The following CD96 variants were observed in gnomAD, a reference collection of about 807,000 sequenced individuals.
The protein encoded by CD96 is CD96 molecule, also known as T-cell surface protein tactile.
In CD96, 70 loss-of-function variants were observed where a neutral mutation model predicts 71.3. The observed-to-expected ratio is 0.98, with a 90% CI of 0.81 to 1.20. The LOEUF is 1.20. CD96 is among the 50% of genes most tolerant of loss of function. The probability of loss-of-function intolerance (pLI) is 0.00; values close to 1 mark genes in which losing one functional copy is unlikely to be tolerated. For missense variants in CD96, 742 were observed against 677.5 expected, an observed-to-expected ratio of 1.10 and a Z score of -1.06; for synonymous variants, 248 against 233.0, an observed-to-expected ratio of 1.06 and a Z score of -0.59.
At chr3:111,626,113 C>A (rs918153584) in intron 10 of CD96, among the ~76,000 whole-genome samples, 1 of 151,886 alleles carries the variant, frequency 6.6e-6, no homozygotes, top group Non-Finnish European at 1.5e-5. Flanking sequence ...ACCATCCTGG[C>A]TAACAGTGAA....
Position 111,643,735 on chromosome 3 carries a change from CAA to C in CD96, c.1478-3792_1478-3791del, listed in dbSNP as rs56078551. Among the ~76,000 whole-genome samples the C allele has an allele frequency of 4.1e-3, 532 of 128,218 alleles. 1 individual carries two copies. Among genetic ancestry groups the C allele is most frequent in the East Asian group, 0.014 (65 of 4,520 alleles). 84.1% of individuals were successfully genotyped at this position (128,218 alleles called of 152,430 possible). ...AACTCAACCCCTTTTACAATAGCTGCAAAAAAAAAAAAAAAAATGAAATACTT... is the reference window on the plus strand; with the variant it reads ...AACTCAACCCCTTTTACAATAGCTGCAAAAAAAAAAAAAAATGAAATACTT... On this transcript the variant is annotated intron_variant, in intron 12 of 13. Transcript: ENST00000352690.
chr3:111,549,371 G>T (rs1156852016), intron 2 of CD96, among the ~76,000 whole-genome samples: 1 of 152,290 alleles, frequency 6.6e-6, no homozygotes, highest in Admixed American at 6.5e-5. Context: ...TGACGATAAG[G>T]TTAGAAAGAT....
chr3:111,572,695 A>C (rs1215249203), intron 3 of CD96, among the ~76,000 whole-genome samples: 1 of 152,230 alleles, frequency 6.6e-6, no homozygotes, highest in Non-Finnish European at 1.5e-5. Flanking sequence ...GAAACCCTGG[A>C]AACAATTTAC....
chr3:111,643,291 A>G (rs1043082402), intron 12 of CD96, among the ~76,000 whole-genome samples: 3 of 152,144 alleles, frequency 2.0e-5, no homozygotes, highest in Admixed American at 2.0e-4. Context: ...TCCCTTTATG[A>G]TTAAAACTCA....
intron 5 of CD96, chr3:111,594,327 C>A: frequency 8.3e-7 from 1 of 1,203,460 alleles, no homozygotes; most frequent in Non-Finnish European, 1.2e-6. Context: ...CAATAATGGC[C>A]AAAGTCTGGC....
At chr3:111,544,220 C>G (rs989605079) in intron 1 of CD96, among the ~76,000 whole-genome samples, 1 of 152,126 alleles carries the variant, frequency 6.6e-6, no homozygotes, top group African/African-American at 2.4e-5. Flanking sequence ...TTTCGGCTCA[C>G]TGTAATCTCC....
chr3:111,577,464 C>G (rs755893646), intron 3 of CD96: 1 of 1,453,604 alleles, frequency 6.9e-7, no homozygotes. Context: ...CTCTGTAATA[C>G]AGTCTTTCTC....
Position 111,637,206 on chromosome 3 carries a change from G to C in CD96, c.1332G>C (p.Arg444=). Residue 444 remains arginine, a synonymous_variant, in exon 11 of 14, where the codon CGG becomes CGC. Transcript: ENST00000352690. ...ATCTTCTTCCTTTAGCAGTTTCACG[G>C]ATACCTAGTGAAACATACAGTTCAT... ...SGTDTKKSVS[R]IPSETYSSSP... The C allele has an allele frequency of 6.4e-7, 1 of 1,568,300 alleles. No individual in the cohort carries two copies. The highest frequency in any genetic ancestry group is 8.8e-7 in the Non-Finnish European group (1 of 1,138,186).
At chr3:111,620,565 A>C (rs954597716) in intron 8 of CD96, among the ~76,000 whole-genome samples, 6 of 152,176 alleles carry the variant, frequency 3.9e-5, no homozygotes, top group African/African-American at 1.4e-4. Context: ...TATCCCAATA[A>C]CCTGTCAAGT....
In CD96 at chr3:111,649,690, G is replaced by C. The variant is rs1939991288; in HGVS notation, c.1602-8G>C. ...CTTAGCATTGAAAGACCAATATTTTGTTCCTAGAATGGAAAGACCTCCACC... is the reference window on the plus strand; with the variant it reads ...CTTAGCATTGAAAGACCAATATTTTCTTCCTAGAATGGAAAGACCTCCACC... On this transcript the variant is annotated splice_region_variant and splice_polypyrimidine_tract_variant and intron_variant, in intron 13 of 13. Coordinates refer to ENST00000352690, the MANE Select transcript of CD96 (RefSeq NM_005816.5). 1 of 1,568,726 alleles carries C rather than the reference G, an allele frequency of 6.4e-7. No individual in the cohort carries two copies. Among genetic ancestry groups the C allele is most frequent in the Non-Finnish European group, 8.8e-7 (1 of 1,138,870 alleles).
At chr3:111,606,063 T>C (rs1333539121) in intron 7 of CD96, among the ~76,000 whole-genome samples, 1 of 152,096 alleles carries the variant, frequency 6.6e-6, no homozygotes, top group Non-Finnish European at 1.5e-5. Context: ...TTGACATAAA[T>C]GTAAAATATA....
At chr3:111,564,993 G>A (rs1274406379) in intron 2 of CD96, among the ~76,000 whole-genome samples, 1 of 151,976 alleles carries the variant, frequency 6.6e-6, no homozygotes, top group Admixed American at 6.6e-5. Context: ...TCTCCCCATG[G>A]CATGTGTCCT....
chr3:111,575,488 T>C (rs1027857399), intron 3 of CD96, among the ~76,000 whole-genome samples: 3 of 152,240 alleles, frequency 2.0e-5, no homozygotes, highest in Admixed American at 2.0e-4. Flanking sequence ...AATCAACTTG[T>C]TGTTCATGGC....
At chr3:111,655,650 T>C (rs937394157), downstream of CD96, among the ~76,000 whole-genome samples, 1 of 152,062 alleles carries the variant, frequency 6.6e-6, no homozygotes, top group Non-Finnish European at 1.5e-5. Context: ...CATCTGATGA[T>C]AGAAAATTGC....
At chr3:111,621,837 C>A (rs1938532592) in intron 8 of CD96, among the ~76,000 whole-genome samples, 1 of 152,146 alleles carries the variant, frequency 6.6e-6, no homozygotes, top group East Asian at 1.9e-4. Context: ...ATCCTCAGTA[C>A]TATATAAGAG....
At chr3:111,612,123 G>A (rs1576388956) in intron 8 of CD96, among the ~76,000 whole-genome samples, 1 of 152,328 alleles carries the variant, frequency 6.6e-6, no homozygotes, top group East Asian at 1.9e-4. Context: ...TTTTTTGTAT[G>A]TGGGAAAATG....
At chr3:111,630,638 A>G (rs543411609) in intron 10 of CD96, among the ~76,000 whole-genome samples, 1 of 152,290 alleles carries the variant, frequency 6.6e-6, no homozygotes, top group South Asian at 2.1e-4. Context: ...AAAGAAGGAA[A>G]TGCTTCCTAA....
chr3:111,579,311 T>A, intron 4 of CD96, 77 bp downstream of exon 4: 1 of 842,886 alleles, frequency 1.2e-6, no homozygotes, highest in Non-Finnish European at 2.1e-6. Context: ...GGAAGCACCC[T>A]ATTATGCTGC....
intron 8 of CD96, among the ~76,000 whole-genome samples, chr3:111,618,228 G>C (rs1298441676): frequency 6.6e-6 from 1 of 152,172 alleles, no homozygotes; most frequent in East Asian, 1.9e-4. Context: ...AAACCAAGTG[G>C]GTGGAATGAG....
Sources: allele counts gnomAD v4.1 joint callset (sites outside exome capture counted in the v4.1 genomes callset), GRCh38; gene constraint gnomAD v4.1.1; transcripts MANE v1.5; gene names NCBI Gene and HGNC (gene_info 2026-07-23, HGNC 2026-07-21).